The following EPN2 variants were observed in gnomAD, a reference collection of about 807,000 sequenced individuals.
The protein encoded by EPN2 is epsin-2.
EPN2 carries 34 observed loss-of-function variants against 61.7 expected under a neutral mutation model. The ratio of observed to expected loss-of-function variants is 0.55; its 90% CI spans 0.42 to 0.73. EPN2 has a LOEUF of 0.73. Ranked by LOEUF, EPN2 falls within the 30% of genes least tolerant of loss-of-function variation. The pLI is 0.00. For synonymous variants in EPN2, 349 were observed against 353.6 expected (o/e 0.99, Z 0.15); for missense variants, 714 against 839.2 (o/e 0.85, Z 1.84).
intron 5 of EPN2, 61 bp from the exon 6 acceptor site, chr17:19,311,991 T>C (rs1259488421): frequency 1.8e-6 from 2 of 1,090,744 alleles, no homozygotes; most frequent in Non-Finnish European, 2.8e-6. Context: ...TTCTGGCCAG[T>C]GTGGCTTTGT....
At chr17:19,247,765 T>C (rs1192681972) in intron 1 of EPN2, among the ~76,000 whole-genome samples, 1 of 152,058 alleles carries the variant, frequency 6.6e-6, no homozygotes, top group Non-Finnish European at 1.5e-5. Flanking sequence ...CCCTGCGGAG[T>C]AATCTCTGTG....
chr17:19,242,606 C>T (rs2044897583), intron 1 of EPN2, among the ~76,000 whole-genome samples: 1 of 152,122 alleles, frequency 6.6e-6, no homozygotes, highest in African/African-American at 2.4e-5. Context: ...TGGTCCTGGT[C>T]TAGGCAGAGT....
chr17:19,258,897 G>A (rs1333192570), intron 1 of EPN2, among the ~76,000 whole-genome samples: 2 of 152,196 alleles, frequency 1.3e-5, no homozygotes, highest in African/African-American at 2.4e-5. Flanking sequence ...GAGTCTAGCC[G>A]ACGGCCCACC....
At chr17:19,297,826 T>C (rs1467904422) in intron 4 of EPN2, among the ~76,000 whole-genome samples, 2 of 152,246 alleles carry the variant, frequency 1.3e-5, no homozygotes, top group Non-Finnish European at 2.9e-5. Context: ...AATCTAACTC[T>C]ATGCATTTTC....
chr17:19,242,308 G>A (rs1332773777), intron 1 of EPN2, among the ~76,000 whole-genome samples: 2 of 152,130 alleles, frequency 1.3e-5, no homozygotes, highest in South Asian at 4.1e-4. Context: ...GGGCATAGTG[G>A]CATACACCTG....
At chr17:19,242,132 G>GAAAAAAAA (rs5819664) in intron 1 of EPN2, among the ~76,000 whole-genome samples, 1 of 115,376 alleles carries the variant, frequency 8.7e-6, no homozygotes. Context: ...TGTTTGATCT[G>GAAAAAAAA]AAAAAAAAAA....
rs1382194239 is a variant in EPN2, at chr17:19,335,424, ACTT to A, written c.*1173_*1175del. ...TTAAAGGCATGCAGGGATTAACAGG[ACTT>A]CTGTTTACAATGGAAATCTGAAATG... On this transcript the variant is annotated 3_prime_UTR_variant, in exon 11 of 11. Coordinates refer to ENST00000314728, the MANE Select transcript of EPN2 (RefSeq NM_014964.5). The A allele has an allele frequency of 6.5e-7, 1 of 1,550,138 alleles. No homozygotes were observed. The highest frequency in any genetic ancestry group is 2.4e-5 in the East Asian group (1 of 40,924).
intron 1 of EPN2, among the ~76,000 whole-genome samples, chr17:19,252,717 G>A (rs2045027888): frequency 6.6e-6 from 1 of 152,142 alleles, no homozygotes; most frequent in South Asian, 2.1e-4. Flanking sequence ...CTGAGATAGG[G>A]TCTTGCTCTG....
At position 19,313,097 on chromosome 17, in the gene EPN2, C is replaced by G. The variant is rs188503298; in HGVS notation, c.973-8C>G. 131 of 1,612,708 alleles carry G rather than the reference C, an allele frequency of 8.1e-5. 1 individual carries two copies. Among genetic ancestry groups the G allele is most frequent in the Non-Finnish European group, 1.1e-4 (125 of 1,179,378 alleles). ...GTAAAACCTGTCCCCTTCTCTTTGTCTTAAAAGCATGGCTCTCTCCCACAG... is the reference window on the plus strand; with the variant it reads ...GTAAAACCTGTCCCCTTCTCTTTGTGTTAAAAGCATGGCTCTCTCCCACAG... On this transcript the variant is annotated splice_region_variant and splice_polypyrimidine_tract_variant and intron_variant, in intron 6 of 10. Transcript: ENST00000314728.
At chr17:19,250,913 A>G (rs182388738) in intron 1 of EPN2, among the ~76,000 whole-genome samples, 13 of 146,272 alleles carry the variant, frequency 8.9e-5, no homozygotes, top group African/African-American at 2.5e-4. Context: ...CCTGGCACAC[A>G]CTGTCCCTCC....
intron 7 of EPN2, 124 bp from the exon 8 acceptor site, chr17:19,328,587 A>G: frequency 1.1e-6 from 1 of 915,658 alleles, no homozygotes; most frequent in Non-Finnish European, 1.6e-6. Context: ...TACCCTTTTG[A>G]TGGCTGTCTC....
chr17:19,313,931 G>A (rs1412388832), intron 7 of EPN2, among the ~76,000 whole-genome samples: 3 of 152,144 alleles, frequency 2.0e-5, no homozygotes, highest in African/African-American at 7.2e-5. Context: ...CTTTATGAAG[G>A]CTTCCTGGCC....
At chr17:19,302,145 A>AC (rs1905557730) in intron 4 of EPN2, among the ~76,000 whole-genome samples, 1 of 152,154 alleles carries the variant, frequency 6.6e-6, no homozygotes, top group Non-Finnish European at 1.5e-5. Flanking sequence ...CAGTCACTGC[A>AC]CCCCTAGGCC....
chr17:19,295,142 G>A (rs902787495), intron 4 of EPN2, among the ~76,000 whole-genome samples: 10 of 152,042 alleles, frequency 6.6e-5, no homozygotes, highest in African/African-American at 2.4e-4. Context: ...ACTAAAACAA[G>A]CTGTTAGAGC....
chr17:19,303,047 T>C (rs1200126690), intron 4 of EPN2, among the ~76,000 whole-genome samples: 1 of 152,226 alleles, frequency 6.6e-6, no homozygotes, highest in Non-Finnish European at 1.5e-5. Context: ...GTTCAGTCGC[T>C]TTCCTGGGTG....
chr17:19,244,026 T>C (rs1567840115), intron 1 of EPN2, among the ~76,000 whole-genome samples: 1 of 152,296 alleles, frequency 6.6e-6, no homozygotes, highest in East Asian at 1.9e-4. Flanking sequence ...AGATGATGGA[T>C]GGCGTGACAT....
intron 1 of EPN2, among the ~76,000 whole-genome samples, chr17:19,241,964 A>G (rs916102197): frequency 3.9e-5 from 6 of 152,166 alleles, no homozygotes; most frequent in South Asian, 2.1e-4. Flanking sequence ...AATAGAATAA[A>G]TTTGTTGTCT....
intron 7 of EPN2, among the ~76,000 whole-genome samples, chr17:19,320,825 CTG>C (rs1326473406): frequency 6.6e-6 from 1 of 152,236 alleles, no homozygotes; most frequent in Non-Finnish European, 1.5e-5. Context: ...GAAGTGGTCA[CTG>C]AACTCCAGTG....
chr17:19,253,127 T>C (rs2045032646), intron 1 of EPN2, among the ~76,000 whole-genome samples: 1 of 152,230 alleles, frequency 6.6e-6, no homozygotes, highest in Admixed American at 6.5e-5. Flanking sequence ...AGGTAGTTGC[T>C]CCTCAATTTC....
Sources: gnomAD v4.1 joint callset for allele counts (sites outside exome capture counted in the v4.1 genomes callset) on GRCh38, gnomAD v4.1.1 for gene constraint, MANE v1.5 for transcripts, NCBI Gene and HGNC (gene_info 2026-07-23, HGNC 2026-07-21) for gene names.